RPSA2: variants seen among roughly 807,000 people sequenced by gnomAD.
The protein encoded by RPSA2 is small ribosomal subunit protein uS2B.
At chr19:23,766,519 TC>T in the RPSA2 span, among the ~76,000 whole-genome samples, 3 of 149,416 alleles carry the variant, frequency 2.0e-5, no homozygotes, top group Non-Finnish European at 4.4e-5. Context: ...TGGCGCGATC[TC>T]CCCGGCTCAC....
the RPSA2 span, among the ~76,000 whole-genome samples, chr19:23,859,356 C>A: frequency 6.6e-6 from 1 of 152,062 alleles, no homozygotes; most frequent in East Asian, 1.9e-4. Context: ...AGGCTGGGTG[C>A]GATGCCTCAC....
At chr19:23,828,267 T>A in the RPSA2 span, among the ~76,000 whole-genome samples, 5 of 150,676 alleles carry the variant, frequency 3.3e-5, no homozygotes, top group African/African-American at 1.2e-4. Context: ...TTTAATTTGG[T>A]AGCTTTGTAA....
At chr19:23,793,317 C>T in the RPSA2 span, among the ~76,000 whole-genome samples, 33 of 149,400 alleles carry the variant, frequency 2.2e-4, no homozygotes, top group East Asian at 2.2e-3. Context: ...CTTTTCCCAC[C>T]TTTTTTCTTG....
chr19:23,822,204 C>T, the RPSA2 span, among the ~76,000 whole-genome samples: 440 of 152,330 alleles, frequency 2.9e-3, 1 homozygote, highest in African/African-American at 9.5e-3. Context: ...TTCCCTCAAT[C>T]ATTGCAGCTG....
At chr19:23,864,061 C>T in the RPSA2 span, among the ~76,000 whole-genome samples, 32 of 152,178 alleles carry the variant, frequency 2.1e-4, no homozygotes, top group African/African-American at 6.5e-4. Flanking sequence ...ACAAGAAGAC[C>T]GAACATGCAC....
At chr19:23,790,701 T>C in the RPSA2 span, 1 of 420,794 alleles carries the variant, frequency 2.4e-6, no homozygotes, top group Non-Finnish European at 4.5e-6. Flanking sequence ...AGTCCCAGCC[T>C]GTGTGGCCCT....
At chr19:23,853,754 A>G in the RPSA2 span, among the ~76,000 whole-genome samples, 2 of 152,276 alleles carry the variant, frequency 1.3e-5, no homozygotes, top group East Asian at 1.9e-4. Flanking sequence ...CCAAAGATTA[A>G]TGGGGATTGG....
At chr19:23,866,193 T>A in the RPSA2 span, among the ~76,000 whole-genome samples, 1 of 151,990 alleles carries the variant, frequency 6.6e-6, no homozygotes, top group Admixed American at 6.6e-5. Context: ...GAAGAGGGAG[T>A]TACAGTGCAG....
the RPSA2 span, chr19:23,790,775 G>A: frequency 1.9e-6 from 1 of 513,990 alleles, no homozygotes; most frequent in East Asian, 4.6e-5. Context: ...CCTAGAAATG[G>A]TGAGATTGCC....
At chr19:23,765,658 A>G in the RPSA2 span, among the ~76,000 whole-genome samples, 1 of 152,202 alleles carries the variant, frequency 6.6e-6, no homozygotes, top group African/African-American at 2.4e-5. Context: ...GATCAGGAAA[A>G]ATAACTTATG....
At chr19:23,780,621 C>T in the RPSA2 span, among the ~76,000 whole-genome samples, 3 of 126,434 alleles carry the variant, frequency 2.4e-5, no homozygotes, top group Non-Finnish European at 5.1e-5. Context: ...CCAGCCTGGG[C>T]AACAGTGAGA....
the RPSA2 span, among the ~76,000 whole-genome samples, chr19:23,862,845 T>C: frequency 6.6e-6 from 1 of 152,014 alleles, no homozygotes. Flanking sequence ...TTCCCTCATC[T>C]TAATCTTCAG....
the RPSA2 span, among the ~76,000 whole-genome samples, chr19:23,839,942 T>C: frequency 6.6e-6 from 1 of 152,202 alleles, no homozygotes; most frequent in Non-Finnish European, 1.5e-5. Flanking sequence ...ACTTCTGCAG[T>C]GGTGGCACTC....
At chr19:23,827,566 G>A in the RPSA2 span, 34 of 1,590,846 alleles carry the variant, frequency 2.1e-5, no homozygotes, top group Admixed American at 2.3e-4. Context: ...AGCCTCTCAC[G>A]GAGGCATCTT....
chr19:23,787,454 C>T, the RPSA2 span, among the ~76,000 whole-genome samples: 3 of 147,326 alleles, frequency 2.0e-5, no homozygotes, highest in Non-Finnish European at 4.5e-5. Flanking sequence ...AAGAAAAATA[C>T]GAAAAGCAGC....
chr19:23,798,437 G>T, the RPSA2 span, among the ~76,000 whole-genome samples: 2 of 152,066 alleles, frequency 1.3e-5, no homozygotes, highest in Non-Finnish European at 2.9e-5. Context: ...AGTTATGTGT[G>T]GTGTTGTTAG....
At chr19:23,773,715 A>G in the RPSA2 span, among the ~76,000 whole-genome samples, 1 of 152,198 alleles carries the variant, frequency 6.6e-6, no homozygotes, top group African/African-American at 2.4e-5. Context: ...TGACTCTCAT[A>G]TGTGGATTCA....
chr19:23,843,954 T>G, the RPSA2 span, among the ~76,000 whole-genome samples: 1 of 152,138 alleles, frequency 6.6e-6, no homozygotes, highest in African/African-American at 2.4e-5. Flanking sequence ...AGATGGGGTT[T>G]CTTCATGTTG....
chr19:23,862,769 A>C, the RPSA2 span, among the ~76,000 whole-genome samples: 24 of 152,232 alleles, frequency 1.6e-4, no homozygotes, highest in African/African-American at 5.8e-4. Context: ...AATAAAAAAA[A>C]AAACAGTCCT....
Sources: allele counts gnomAD v4.1 joint callset (sites outside exome capture counted in the v4.1 genomes callset), GRCh38; gene constraint gnomAD v4.1.1; transcripts MANE v1.5; gene names NCBI Gene and HGNC (gene_info 2026-07-23, HGNC 2026-07-21).